TEK: variants seen among roughly 807,000 people sequenced by gnomAD.
The protein encoded by TEK is angiopoietin-1 receptor.
In TEK, 43 loss-of-function variants were observed where a neutral mutation model predicts 131.8. The ratio of observed to expected loss-of-function variants is 0.33; its 90% confidence interval spans 0.26 to 0.42. The LOEUF (loss-of-function observed/expected upper bound fraction) is 0.42, where lower values mean the gene tolerates loss of function less well. TEK is among the 10% of genes least tolerant of loss of function. The pLI, the probability that TEK is intolerant of heterozygous loss-of-function variation, is 1.00. For missense variants in TEK, 1,162 were observed against 1,384.4 expected (o/e 0.84, Z 2.55); for synonymous variants, 580 against 491.6 (o/e 1.18, Z -2.38).
chr9:27,121,148 C>G (rs942108434), intron 1 of TEK, among the ~76,000 whole-genome samples: 10 of 152,064 alleles, frequency 6.6e-5, no homozygotes, highest in African/African-American at 2.2e-4. Context: ...ATGGCGAAAC[C>G]CCGCCTCTAC....
At chr9:27,176,804 T>A (rs1824187572) in intron 6 of TEK, among the ~76,000 whole-genome samples, 1 of 152,184 alleles carries the variant, frequency 6.6e-6, no homozygotes, top group Admixed American at 6.5e-5. Context: ...TATCCTACTG[T>A]GTAATTAAAA....
At position 27,173,283 on chromosome 9, in the gene TEK, C is replaced by A. The variant is rs1289366546; in HGVS notation, c.822C>A (p.Cys274Ter). 1 of 1,613,978 alleles carries A rather than the reference C, an allele frequency of 6.2e-7. No individual in the cohort carries two copies. The highest frequency in any genetic ancestry group is 8.5e-7 in the Non-Finnish European group (1 of 1,179,978). ...CKERCSGQEG[C>*]KSYVFCLPDP... Reference sequence around the variant, plus strand: ...AAAGGTGCAGTGGACAAGAGGGATGCAAGTCTTATGTGTTCTGTCTCCCTG... The same window carrying A: ...AAAGGTGCAGTGGACAAGAGGGATGAAAGTCTTATGTGTTCTGTCTCCCTG... The change falls in exon 6 of 23, where the codon TGC (cysteine) becomes TGA (stop). Residue 274 changes from cysteine (C) to a stop codon, truncating the protein, a stop_gained. Transcript: ENST00000380036. LOFTEE classifies it high-confidence loss of function.
intron 6 of TEK, among the ~76,000 whole-genome samples, chr9:27,176,772 T>G (rs866373882): frequency 4.6e-5 from 7 of 152,224 alleles, no homozygotes; most frequent in African/African-American, 1.7e-4. Flanking sequence ...CCACACTGTC[T>G]ATTAGAACTC....
intron 18 of TEK, 105 bp downstream of exon 18, chr9:27,213,702 G>A: frequency 1.2e-6 from 1 of 844,950 alleles, no homozygotes; most frequent in Non-Finnish European, 2.0e-6. Flanking sequence ...TGAAGCATCT[G>A]ACTGTATGTC....
chr9:27,168,676 T>G, intron 3 of TEK, 71 bp downstream of exon 3: 1 of 1,172,498 alleles, frequency 8.5e-7, no homozygotes, highest in Non-Finnish European at 1.3e-6. Flanking sequence ...TATTGAATCA[T>G]TTTCCTATTG....
chr9:27,173,746 T>G (rs1483398931), intron 6 of TEK, among the ~76,000 whole-genome samples: 4 of 144,460 alleles, frequency 2.8e-5, no homozygotes, highest in East Asian at 2.0e-4. Context: ...GGTTTTTTTT[T>G]TTTTTTTTTT....
intron 8 of TEK, among the ~76,000 whole-genome samples, chr9:27,184,732 G>C (rs1466110172): frequency 6.6e-6 from 1 of 152,006 alleles, no homozygotes; most frequent in Non-Finnish European, 1.5e-5. Flanking sequence ...AAGTAACTAA[G>C]GAATTGGTCA....
chr9:27,170,304 A>G (rs961287939), intron 4 of TEK, among the ~76,000 whole-genome samples: 15 of 152,160 alleles, frequency 9.9e-5, no homozygotes, highest in Non-Finnish European at 2.9e-5. Context: ...GCCAAACCAT[A>G]CCAGACGGGG....
chr9:27,168,781 T>A (rs923931233), intron 3 of TEK, among the ~76,000 whole-genome samples, 176 bp downstream of exon 3: 2 of 152,238 alleles, frequency 1.3e-5, no homozygotes, highest in African/African-American at 4.8e-5. Flanking sequence ...CATATTTGGT[T>A]ACTTAAGGAT....
intron 1 of TEK, among the ~76,000 whole-genome samples, chr9:27,124,394 T>C (rs1478097997): frequency 6.6e-6 from 1 of 152,236 alleles, no homozygotes; most frequent in Non-Finnish European, 1.5e-5. Context: ...ACATATCATC[T>C]TTCTTGGATC....
chr9:27,121,679 G>A (rs72713724), intron 1 of TEK, among the ~76,000 whole-genome samples: 1 of 151,860 alleles, frequency 6.6e-6, no homozygotes, highest in Non-Finnish European at 1.5e-5. Context: ...TTAATATGAG[G>A]ATAAGAAAAA....
intron 22 of TEK, among the ~76,000 whole-genome samples, chr9:27,228,816 G>C (rs1425443435): frequency 5.3e-5 from 8 of 150,140 alleles, no homozygotes; most frequent in African/African-American, 7.3e-5. Flanking sequence ...ATGCAGGTGA[G>C]ATCACACAGA....
Position 27,198,114 on chromosome 9 carries a change from A to G in TEK, c.1909+515A>G, listed in dbSNP as rs142383841. Among the ~76,000 whole-genome samples, 624 of 152,324 alleles carry G rather than the reference A, an allele frequency of 4.1e-3. 6 individuals are homozygous for G. Among genetic ancestry groups the G allele is most frequent in the African/African-American group, 0.014 (596 of 41,570 alleles). ...CTCAATTTCAGATTGGTCATTTAAA[A>G]TTAATGGGAATTTCTTGGGTTTCTT... On this transcript the variant is annotated intron_variant, in intron 12 of 22. Coordinates refer to ENST00000380036, the MANE Select transcript of TEK (RefSeq NM_000459.5).
chr9:27,131,100 A>G (rs889870572), intron 1 of TEK, among the ~76,000 whole-genome samples: 8 of 152,234 alleles, frequency 5.3e-5, no homozygotes, highest in African/African-American at 1.9e-4. Context: ...GCTCAGTAAT[A>G]CATGGCTGAG....
At chr9:27,205,929 G>A (rs560132119) in intron 14 of TEK, among the ~76,000 whole-genome samples, 1 of 151,956 alleles carries the variant, frequency 6.6e-6, no homozygotes, top group African/African-American at 2.4e-5. Flanking sequence ...CTCAATTCAG[G>A]CTGTCGCTGG....
chr9:27,143,952 G>C (rs1309323800), intron 1 of TEK, among the ~76,000 whole-genome samples: 1 of 152,178 alleles, frequency 6.6e-6, no homozygotes, highest in Non-Finnish European at 1.5e-5. Context: ...AGAAGTGTTG[G>C]AGGAAGGCAA....
At chr9:27,169,420 A>G in intron 3 of TEK, 57 bp from the exon 4 acceptor site, 6 of 1,610,586 alleles carry the variant, frequency 3.7e-6, no homozygotes, top group Non-Finnish European at 5.1e-6. Flanking sequence ...GAAACCAGAC[A>G]AGGAAGCAGG....
chr9:27,121,635 C>G (rs747869760), intron 1 of TEK, among the ~76,000 whole-genome samples: 2 of 151,568 alleles, frequency 1.3e-5, no homozygotes, highest in African/African-American at 4.8e-5. Context: ...GCATATGTAT[C>G]ATATCAGTCA....
At chr9:27,212,065 T>A (rs118155010) in intron 16 of TEK, among the ~76,000 whole-genome samples, 5,535 of 151,706 alleles carry the variant, frequency 0.036, 139 homozygotes, top group East Asian at 0.079. Context: ...TTCTAGGAAC[T>A]ATTGTTTTAT....
Sources: gnomAD v4.1 joint callset for allele counts (sites outside exome capture counted in the v4.1 genomes callset) on GRCh38, gnomAD v4.1.1 for gene constraint, MANE v1.5 for transcripts, NCBI Gene and HGNC (gene_info 2026-07-23, HGNC 2026-07-21) for gene names.